The following ZNF536 variants were observed in gnomAD, a reference collection of about 807,000 sequenced individuals.
ZNF536 encodes zinc finger protein 536.
In ZNF536, 13 loss-of-function variants were observed where a neutral mutation model predicts 84.5. The observed-to-expected ratio is 0.15, with a 90% CI of 0.10 to 0.24. The LOEUF is 0.24. Among genes scored for constraint, ZNF536 ranks in the 10% least tolerant of loss-of-function variants. The pLI, the probability that ZNF536 is intolerant of heterozygous loss-of-function variation, is 1.00. For synonymous variants in ZNF536, 811 were observed against 742.5 expected (o/e 1.09, Z -1.50); for missense variants, 1,536 against 1,747.5 (o/e 0.88, Z 2.16).
At chr19:30,328,317 C>T (rs997808074) in intron 2 of ZNF536, among the ~76,000 whole-genome samples, 2 of 152,234 alleles carry the variant, frequency 1.3e-5, no homozygotes, top group South Asian at 2.1e-4. Flanking sequence ...CCACACTTGG[C>T]CACAGCTACC....
chr19:30,334,630 G>T lies in ZNF536; in HGVS notation c.-119-17738G>T, dbSNP rs114421104. On this transcript the variant is annotated intron_variant, in intron 2 of 5. Coordinates refer to the ZNF536 transcript ENST00000585628. ...TACTTGAATATATCCAAATACATAAGGACTGTGATCATGCTGTGAGGAGTA... is the reference window on the plus strand; with the variant it reads ...TACTTGAATATATCCAAATACATAATGACTGTGATCATGCTGTGAGGAGTA... Among the ~76,000 whole-genome samples the T allele has an allele frequency of 8.6e-3, 1,305 of 152,242 alleles. 27 individuals are homozygous for T. The highest frequency in any genetic ancestry group is 0.03 in the African/African-American group (1,243 of 41,542).
chr19:30,299,527 G>T (rs1377834578), intron 2 of ZNF536, among the ~76,000 whole-genome samples: 1 of 152,064 alleles, frequency 6.6e-6, no homozygotes, highest in Non-Finnish European at 1.5e-5. Context: ...GAAGAGTCCA[G>T]CAATTCAAAG....
intron 1 of ZNF536, among the ~76,000 whole-genome samples, chr19:30,594,073 T>C (rs2047364583): frequency 6.6e-6 from 1 of 152,186 alleles, no homozygotes; most frequent in Non-Finnish European, 1.5e-5. Flanking sequence ...GCACTGCATA[T>C]ATAATATCAA....
At chr19:30,340,050 C>G (rs1332099056) in intron 2 of ZNF536, among the ~76,000 whole-genome samples, 1 of 152,124 alleles carries the variant, frequency 6.6e-6, no homozygotes, top group African/African-American at 2.4e-5. Flanking sequence ...AGGCCGCCAT[C>G]CCCTGCACCC....
At chr19:30,278,640 G>T (rs1208994244) in intron 1 of ZNF536, among the ~76,000 whole-genome samples, 2 of 152,090 alleles carry the variant, frequency 1.3e-5, no homozygotes, top group African/African-American at 4.8e-5. Context: ...GGGCCAGGGT[G>T]AGCGTGGCTG....
chr19:30,711,078 A>T (rs1192023078), exon 2 of ZNF536: 1 of 152,162 alleles, frequency 6.6e-6, no homozygotes, highest in Non-Finnish European at 1.5e-5. Context: ...TGCTAACTGC[A>T]TTCCAAGGGG....
intron 1 of ZNF536, among the ~76,000 whole-genome samples, chr19:30,434,895 CTGATGA>C (rs2051644359): frequency 1.7e-5 from 2 of 116,312 alleles, no homozygotes; most frequent in South Asian, 5.6e-4. Flanking sequence ...GATGATGCTG[CTGATGA>C]TGGTGATGAT....
chr19:30,400,134 G>T (rs1389779682), intron 1 of ZNF536, among the ~76,000 whole-genome samples: 1 of 150,524 alleles, frequency 6.6e-6, no homozygotes, highest in Non-Finnish European at 1.5e-5. Context: ...CCTATTGTAG[G>T]ACTTTTTTTT....
chr19:30,659,959 G>A (rs1247313713), intron 1 of ZNF536, among the ~76,000 whole-genome samples: 1 of 150,136 alleles, frequency 6.7e-6, no homozygotes, highest in Non-Finnish European at 1.5e-5. Flanking sequence ...AAGGGTGTGT[G>A]TGTGTGTGTG....
intron 1 of ZNF536, among the ~76,000 whole-genome samples, chr19:30,589,735 G>A (rs1005962701): frequency 2.6e-5 from 4 of 152,204 alleles, no homozygotes; most frequent in African/African-American, 7.2e-5. Context: ...CAGCAAGGAA[G>A]CTGGGGTGTT....
chr19:30,409,556 G>A (rs981858301), intron 1 of ZNF536, among the ~76,000 whole-genome samples: 3 of 152,144 alleles, frequency 2.0e-5, no homozygotes, highest in East Asian at 3.9e-4. Context: ...CTTTGTACAC[G>A]TTCTTAATTA....
At chr19:30,369,498 G>A (rs1005064352), upstream of ZNF536, among the ~76,000 whole-genome samples, 1 of 152,138 alleles carries the variant, frequency 6.6e-6, no homozygotes, top group African/African-American at 2.4e-5. Context: ...CGACCCGTCT[G>A]CGATTGTGCA....
At chr19:30,407,918 G>A (rs2050328793) in intron 1 of ZNF536, among the ~76,000 whole-genome samples, 1 of 152,110 alleles carries the variant, frequency 6.6e-6, no homozygotes, top group Admixed American at 6.6e-5. Context: ...TGGGCTCCTT[G>A]TCTTTGGCTC....
At chr19:30,666,814 G>GTA (rs1471361424) in intron 1 of ZNF536, among the ~76,000 whole-genome samples, 3 of 147,180 alleles carry the variant, frequency 2.0e-5, no homozygotes, top group African/African-American at 7.5e-5. Flanking sequence ...ATATGTATGT[G>GTA]TATATATGTG....
At chr19:30,669,683 CA>C (rs2050469873) in intron 1 of ZNF536, among the ~76,000 whole-genome samples, 1 of 152,210 alleles carries the variant, frequency 6.6e-6, no homozygotes, top group African/African-American at 2.4e-5. Flanking sequence ...AAGAAGCTTG[CA>C]GGGGGGCTGC....
intron 1 of ZNF536, among the ~76,000 whole-genome samples, chr19:30,253,670 G>A (rs1188153496): frequency 6.6e-6 from 1 of 152,180 alleles, no homozygotes; most frequent in Non-Finnish European, 1.5e-5. Flanking sequence ...TGTGTGCCCC[G>A]GCTGGGCGGG....
At chr19:30,348,028 TC>T (rs2047806330) in intron 2 of ZNF536, among the ~76,000 whole-genome samples, 2 of 152,272 alleles carry the variant, frequency 1.3e-5, no homozygotes, top group South Asian at 4.1e-4. Context: ...TGATGTTCTT[TC>T]ATCCATTCAT....
At chr19:30,655,725 C>A (rs2147507289) in intron 1 of ZNF536, among the ~76,000 whole-genome samples, 1 of 152,280 alleles carries the variant, frequency 6.6e-6, no homozygotes, top group Admixed American at 6.5e-5. Context: ...TCTTTAGTGT[C>A]TTTTCCTCTG....
intron 1 of ZNF536, among the ~76,000 whole-genome samples, chr19:30,271,328 A>G (rs1357771031): frequency 7.9e-6 from 1 of 127,244 alleles, no homozygotes; most frequent in Admixed American, 9.2e-5. Context: ...TTGCTAAAGC[A>G]TGAGAGATGC....
Sources: allele counts gnomAD v4.1 joint callset (sites outside exome capture counted in the v4.1 genomes callset), GRCh38; gene constraint gnomAD v4.1.1; transcripts MANE v1.5; gene names NCBI Gene and HGNC (gene_info 2026-07-23, HGNC 2026-07-21).